Variants in NRP1 observed in about 807,000 individuals in gnomAD.
NRP1 encodes the protein neuropilin 1, also known as neuropilin-1.
A neutral mutation model predicts 106.7 loss-of-function variants in NRP1; 35 were observed. The observed-to-expected ratio is 0.33, with a 90% CI of 0.25 to 0.43. NRP1 has a LOEUF of 0.43. Ranked by LOEUF, NRP1 falls within the 20% of genes least tolerant of loss-of-function variation. The pLI, the probability that NRP1 is intolerant of heterozygous loss-of-function variation, is 1.00. For synonymous variants in NRP1, 437 were observed against 417.9 expected (o/e 1.05, Z -0.56); for missense variants, 1,024 against 1,170.4 (o/e 0.87, Z 1.83).
At chr10:33,212,163 A>G (rs902682426) in intron 9 of NRP1, 23 of 152,172 alleles carry the variant, frequency 1.5e-4, no homozygotes, top group African/African-American at 2.2e-4. Context: ...TTGTGTTGAG[A>G]TTTCCTTTTC....
intron 6 of NRP1, among the ~76,000 whole-genome samples, chr10:33,244,074 G>A (rs1332550789): frequency 6.6e-6 from 1 of 152,034 alleles, no homozygotes; most frequent in African/African-American, 2.4e-5. Flanking sequence ...TGCATAAAAT[G>A]AGAACTATAC....
In NRP1 at chr10:33,270,783, C is replaced by A. The variant is rs777048356; in HGVS notation, c.322G>T (p.Ala108Ser). The change falls in exon 3 of 17, where the codon GCC becomes TCC. Residue 108 changes from alanine to serine, a missense_variant. Transcript: ENST00000374867. Reference sequence around the variant, plus strand: ...CCTGAAGACACAACAGGAGGAGGGGCTATCTTTCCACAGAACTTTCCCCTA... The same window carrying A: ...CCTGAAGACACAACAGGAGGAGGGGATATCTTTCCACAGAACTTTCCCCTA... ...HFRGKFCGKI[A>S]PPPVVSSGPF... 2 of 1,613,678 alleles carry A rather than the reference C, an allele frequency of 1.2e-6. No homozygotes were observed. The highest frequency in any genetic ancestry group is 1.7e-6 in the Non-Finnish European group (2 of 1,179,868).
At chr10:33,299,016 TG>T (rs1248259580) in intron 2 of NRP1, among the ~76,000 whole-genome samples, 11 of 152,198 alleles carry the variant, frequency 7.2e-5, no homozygotes, top group African/African-American at 2.7e-4. Context: ...AAGCTTGGTT[TG>T]TTTTATACTT....
intron 11 of NRP1, chr10:33,201,443 C>G (rs1837297397): frequency 6.6e-6 from 1 of 152,124 alleles, no homozygotes; most frequent in Non-Finnish European, 1.5e-5. Context: ...AGAAATTTCA[C>G]TATGGATGTG....
chr10:33,244,296 G>A (rs939686086), intron 6 of NRP1, among the ~76,000 whole-genome samples: 7 of 152,086 alleles, frequency 4.6e-5, no homozygotes, highest in African/African-American at 7.2e-5. Flanking sequence ...TACCTCACAC[G>A]CGACATAAAT....
chr10:33,332,496 C>T (rs1848354653), intron 1 of NRP1, among the ~76,000 whole-genome samples: 1 of 152,160 alleles, frequency 6.6e-6, no homozygotes, highest in Non-Finnish European at 1.5e-5. Context: ...AGTCACTCGA[C>T]AGAGTCACTT....
intron 8 of NRP1, among the ~76,000 whole-genome samples, chr10:33,214,464 C>T (rs911898518): frequency 6.6e-6 from 1 of 152,034 alleles, no homozygotes; most frequent in Non-Finnish European, 1.5e-5. Context: ...CTGCCAAATC[C>T]TGTTGTTTTT....
At chr10:33,238,714 A>G (rs1470695249) in intron 6 of NRP1, among the ~76,000 whole-genome samples, 1 of 152,166 alleles carries the variant, frequency 6.6e-6, no homozygotes, top group Non-Finnish European at 1.5e-5. Flanking sequence ...GGATAATGTT[A>G]AGCAAGTTAC....
intron 4 of NRP1, among the ~76,000 whole-genome samples, chr10:33,262,440 T>C (rs1181618649): frequency 6.6e-6 from 1 of 152,120 alleles, no homozygotes; most frequent in East Asian, 1.9e-4. Context: ...TGGAGGCTCA[T>C]GCCTGTAATC....
chr10:33,206,831 C>G (rs990435320), intron 10 of NRP1, among the ~76,000 whole-genome samples: 2 of 152,188 alleles, frequency 1.3e-5, no homozygotes, highest in African/African-American at 2.4e-5. Context: ...TTTCATTCAT[C>G]ATATGTTCAA....
At chr10:33,308,611 G>C (rs1270942394) in intron 2 of NRP1, among the ~76,000 whole-genome samples, 1 of 151,678 alleles carries the variant, frequency 6.6e-6, no homozygotes, top group African/African-American at 2.4e-5. Flanking sequence ...CTCAGCCTCT[G>C]GAGTAGCTGG....
chr10:33,277,610 T>C (rs538593038), intron 2 of NRP1, among the ~76,000 whole-genome samples: 5 of 152,240 alleles, frequency 3.3e-5, no homozygotes, highest in Non-Finnish European at 7.3e-5. Context: ...ATAGAGAGGC[T>C]GGGCCACAAC....
In NRP1 at chr10:33,195,473, TAGTA is replaced by T. The variant is rs761742850; in HGVS notation, c.1924+2173_1924+2176del. The T allele has an allele frequency of 7.5e-6, 4 of 533,046 alleles. No homozygotes were observed. In the African/African-American group the frequency reaches 7.7e-5, roughly 10 times the overall value. 33.0% of individuals were successfully genotyped at this position (533,046 alleles called of 1,614,324 possible). A position where few individuals can be genotyped will look rare whatever the true frequency, so the allele number is the denominator to read the frequency against. Reference sequence around the variant, plus strand: ...ATTGATGAGAATCAGCAAGATGAAATAGTAAGACTCTGAGTTGAGTCTATAATAG... The same window carrying T: ...ATTGATGAGAATCAGCAAGATGAAATAGACTCTGAGTTGAGTCTATAATAG... On this transcript the variant is annotated intron_variant, in intron 12 of 16. Coordinates refer to ENST00000374867, the MANE Select transcript of NRP1 (RefSeq NM_003873.7).
At chr10:33,222,125 A>G (rs1839295461) in intron 7 of NRP1, among the ~76,000 whole-genome samples, 1 of 152,244 alleles carries the variant, frequency 6.6e-6, no homozygotes, top group Non-Finnish European at 1.5e-5. Flanking sequence ...AATATTGATT[A>G]AAGAACGCAT....
rs1160327036 is a variant in NRP1, at chr10:33,199,389, ATTTTTTTTT to A, written c.1865-1689_1865-1681del. On this transcript the variant is annotated intron_variant, in intron 11 of 16. Coordinates refer to ENST00000374867, the MANE Select transcript of NRP1 (RefSeq NM_003873.7). Reference sequence around the variant, plus strand: ...TTTCTATATATATATATATATATATATTTTTTTTTTTTTTTTTTTTTTTTTTTTTTTTGG... The same window carrying A: ...TTTCTATATATATATATATATATATATTTTTTTTTTTTTTTTTTTTTTTGG... Among the ~76,000 whole-genome samples, 12 of 36,830 alleles carry A rather than the reference ATTTTTTTTT, an allele frequency of 3.3e-4. No homozygotes were observed. In the South Asian group the frequency reaches 6.0e-3, roughly 18 times the overall value. The allele number at this position is 36,830 out of a possible 152,430, so 24.2% of individuals were successfully genotyped here.
chr10:33,199,367 C>CCATATATATATATA (rs1837054610), intron 11 of NRP1, among the ~76,000 whole-genome samples: 1 of 54,276 alleles, frequency 1.8e-5, no homozygotes, highest in Non-Finnish European at 3.2e-5. Context: ...TGGCTGTTTT[C>CCATATATATATATA]TATATATATA....
At chr10:33,275,122 T>A (rs188810966) in intron 2 of NRP1, among the ~76,000 whole-genome samples, 58 of 152,344 alleles carry the variant, frequency 3.8e-4, no homozygotes, top group Admixed American at 3.7e-3. Context: ...GTTTTTACAC[T>A]AGAGTCGTCC....
At chr10:33,312,489 A>G (rs1314640566) in intron 2 of NRP1, among the ~76,000 whole-genome samples, 1 of 152,244 alleles carries the variant, frequency 6.6e-6, no homozygotes, top group Non-Finnish European at 1.5e-5. Context: ...AAGTCAAATT[A>G]TGAAATTGCA....
intron 2 of NRP1, among the ~76,000 whole-genome samples, chr10:33,314,720 C>G (rs1846892554): frequency 6.6e-6 from 1 of 152,134 alleles, no homozygotes; most frequent in Admixed American, 6.6e-5. Context: ...TCTCATTGCC[C>G]CCTCCAGAAA....
Sources: allele counts gnomAD v4.1 joint callset (sites outside exome capture counted in the v4.1 genomes callset), GRCh38; gene constraint gnomAD v4.1.1; transcripts MANE v1.5; gene names NCBI Gene and HGNC (gene_info 2026-07-23, HGNC 2026-07-21).